The following DLGAP2 variants were observed in gnomAD, a reference collection of about 807,000 sequenced individuals.
DLGAP2 encodes the protein DLG associated protein 2, also known as disks large-associated protein 2.
In DLGAP2, 26 loss-of-function variants were observed where a neutral mutation model predicts 100.3. The observed-to-expected ratio is 0.26, with a 90% CI of 0.19 to 0.36. The LOEUF (loss-of-function observed/expected upper bound fraction) is 0.36, where lower values mean the gene tolerates loss of function less well. DLGAP2 is among the 10% of genes least tolerant of loss of function. The probability of loss-of-function intolerance (pLI) is 1.00; values close to 1 mark genes in which losing one functional copy is unlikely to be tolerated. For missense variants in DLGAP2, 1,858 were observed against 1,453.2 expected (o/e 1.28, Z -4.53); for synonymous variants, 886 against 630.1 (o/e 1.41, Z -6.08).
At chr8:797,908 A>T (rs1001869967) in intron 1 of DLGAP2, among the ~76,000 whole-genome samples, 1 of 151,718 alleles carries the variant, frequency 6.6e-6, no homozygotes, top group African/African-American at 2.4e-5. Context: ...CTGCCACCAC[A>T]CCTGGCTAAT....
intron 2 of DLGAP2, among the ~76,000 whole-genome samples, chr8:922,063 G>T (rs1254439317): frequency 1.3e-5 from 2 of 152,236 alleles, no homozygotes; most frequent in African/African-American, 4.8e-5. Context: ...TGCCGTGTGC[G>T]CAGTTGGCGC....
intron 1 of DLGAP2, among the ~76,000 whole-genome samples, chr8:850,290 C>G (rs1797161630): frequency 6.6e-6 from 1 of 152,000 alleles, no homozygotes; most frequent in African/African-American, 2.4e-5. Flanking sequence ...ATGCATTGTG[C>G]TTTTGGAGTT....
intron 2 of DLGAP2, among the ~76,000 whole-genome samples, chr8:1,208,477 T>C (rs996480484): frequency 1.3e-5 from 2 of 152,200 alleles, no homozygotes; most frequent in Non-Finnish European, 1.5e-5. Context: ...GGGACATACT[T>C]TAAGTTTATA....
At chr8:1,368,466 C>T (rs967089736) in intron 3 of DLGAP2, among the ~76,000 whole-genome samples, 4 of 151,632 alleles carry the variant, frequency 2.6e-5, no homozygotes, top group African/African-American at 9.7e-5. Flanking sequence ...AAAGCTCTCC[C>T]CTATGCTGTG....
intron 8 of DLGAP2, among the ~76,000 whole-genome samples, chr8:1,644,087 T>C (rs34082403): frequency 0.051 from 1,418 of 27,552 alleles, 134 homozygotes; most frequent in African/African-American, 0.15. Flanking sequence ...ACCCCGCCGG[T>C]CCTCACCTGT....
intron 1 of DLGAP2, among the ~76,000 whole-genome samples, chr8:779,949 A>C (rs1821642524): frequency 6.6e-6 from 1 of 152,230 alleles, no homozygotes; most frequent in African/African-American, 2.4e-5. Flanking sequence ...CTGGGGAAAG[A>C]GTCAAGCTAG....
chr8:1,284,067 A>C (rs1799874184), intron 3 of DLGAP2, among the ~76,000 whole-genome samples: 1 of 152,230 alleles, frequency 6.6e-6, no homozygotes, highest in Non-Finnish European at 1.5e-5. Context: ...GATAATAGGA[A>C]AAGTTCTTTC....
At chr8:1,364,242 G>A (rs537099803) in intron 3 of DLGAP2, among the ~76,000 whole-genome samples, 24 of 152,318 alleles carry the variant, frequency 1.6e-4, no homozygotes, top group African/African-American at 5.5e-4. Flanking sequence ...TGTGGGTTTT[G>A]CCTCAGGTGG....
intron 3 of DLGAP2, among the ~76,000 whole-genome samples, chr8:1,453,281 A>G (rs1372233035): frequency 6.6e-6 from 1 of 152,156 alleles, no homozygotes; most frequent in Non-Finnish European, 1.5e-5. Context: ...GAGAAGCAGG[A>G]GGAGCCTGGG....
intron 1 of DLGAP2, among the ~76,000 whole-genome samples, chr8:772,082 G>C (rs969086516): frequency 6.6e-6 from 1 of 151,808 alleles, no homozygotes; most frequent in Non-Finnish European, 1.5e-5. Flanking sequence ...TCTATTTTTT[G>C]TAGAGACAAG....
chr8:957,085 A>C (rs1584922905), intron 2 of DLGAP2, among the ~76,000 whole-genome samples: 1 of 152,210 alleles, frequency 6.6e-6, no homozygotes, highest in South Asian at 2.1e-4. Context: ...ACCATTTGCA[A>C]AGATGTGGGA....
At chr8:1,434,988 A>G (rs141633761) in intron 3 of DLGAP2, among the ~76,000 whole-genome samples, 5 of 152,168 alleles carry the variant, frequency 3.3e-5, no homozygotes, top group African/African-American at 9.7e-5. Flanking sequence ...CAGATGTACA[A>G]CATTCAGTAC....
Position 1,701,169 on chromosome 8 carries a change from G to A in DLGAP2, c.2950-19G>A, listed in dbSNP as rs1301569778. The A allele has an allele frequency of 1.3e-6, 2 of 1,550,358 alleles. No individual in the cohort carries two copies. Among genetic ancestry groups the A allele is most frequent in the Non-Finnish European group, 1.7e-6 (2 of 1,147,620 alleles). ...CCTCCTCCGAGCACCTGCCAACGGTGACTTGCGCTGCTTTTCAGGAAGAAA... is the reference window on the plus strand; with the variant it reads ...CCTCCTCCGAGCACCTGCCAACGGTAACTTGCGCTGCTTTTCAGGAAGAAA... On this transcript the variant is annotated intron_variant, in intron 14 of 14. Transcript: ENST00000637795.
intron 2 of DLGAP2, among the ~76,000 whole-genome samples, chr8:1,142,616 T>C (rs1286030539): frequency 6.6e-6 from 1 of 151,830 alleles, no homozygotes; most frequent in East Asian, 1.9e-4. Context: ...AGCCCTGGAG[T>C]CACAGGGTTT....
intron 3 of DLGAP2, among the ~76,000 whole-genome samples, chr8:1,493,723 C>T (rs529652676): frequency 6.6e-6 from 1 of 152,318 alleles, no homozygotes; most frequent in East Asian, 1.9e-4. Flanking sequence ...AGCAAGCCCA[C>T]TGCCTGCTGC....
chr8:1,307,481 A>G (rs770103359), intron 3 of DLGAP2, among the ~76,000 whole-genome samples: 10 of 152,208 alleles, frequency 6.6e-5, no homozygotes, highest in Non-Finnish European at 1.3e-4. Flanking sequence ...AAAAATAAAC[A>G]TGGAATTTTC....
chr8:890,409 C>A (rs1013816429), intron 1 of DLGAP2, among the ~76,000 whole-genome samples: 4 of 151,942 alleles, frequency 2.6e-5, no homozygotes, highest in African/African-American at 9.7e-5. Flanking sequence ...GTTTTTTTTC[C>A]CCATGGGAAT....
intron 1 of DLGAP2, among the ~76,000 whole-genome samples, chr8:881,992 C>G (rs1797809073): frequency 6.6e-6 from 1 of 152,252 alleles, no homozygotes; most frequent in Non-Finnish European, 1.5e-5. Flanking sequence ...GTGGTATATT[C>G]CACCTTTCCA....
intron 2 of DLGAP2, among the ~76,000 whole-genome samples, chr8:1,005,140 A>G (rs1366506309): frequency 6.6e-6 from 1 of 152,194 alleles, no homozygotes; most frequent in East Asian, 1.9e-4. Flanking sequence ...TCACTGGTGC[A>G]TCTATGTGGA....
Sources: gnomAD v4.1 joint callset for allele counts (sites outside exome capture counted in the v4.1 genomes callset) on GRCh38, gnomAD v4.1.1 for gene constraint, MANE v1.5 for transcripts, NCBI Gene and HGNC (gene_info 2026-07-23, HGNC 2026-07-21) for gene names.